BOLL: variants seen among roughly 807,000 people sequenced by gnomAD.
BOLL encodes the protein boule RNA binding protein.
A neutral mutation model predicts 44.4 loss-of-function variants in BOLL; 23 were observed. The observed-to-expected ratio is 0.52, with a 90% CI of 0.37 to 0.73. The LOEUF is 0.73. BOLL is among the 30% of genes least tolerant of loss of function. BOLL has a pLI of 0.00. For missense variants in BOLL, 287 were observed against 338.3 expected (o/e 0.85, Z 1.19); for synonymous variants, 97 against 110.8 (o/e 0.88, Z 0.78).
At position 197,743,054 on chromosome 2, in the gene BOLL, T is replaced by G; in HGVS notation, c.828+7A>C. On this transcript the variant is annotated splice_region_variant and intron_variant, in intron 10 of 10. Transcript: ENST00000392296. Reference sequence around the variant, plus strand: ...AACAAAGTAAAAAGTCAAAACAAATTTCTTACTTTAATTGGCTCAGGCTGC... The same window carrying G: ...AACAAAGTAAAAAGTCAAAACAAATGTCTTACTTTAATTGGCTCAGGCTGC... 6 of 1,549,604 alleles carry G rather than the reference T, an allele frequency of 3.9e-6. No homozygotes were observed. The highest frequency in any genetic ancestry group is 5.2e-6 in the Non-Finnish European group (6 of 1,148,748).
chr2:197,766,674 AT>A, intron 6 of BOLL, 71 bp from the exon 7 acceptor site: 1 of 1,111,194 alleles, frequency 9.0e-7, no homozygotes, highest in Admixed American at 2.0e-5. Flanking sequence ...TTTATCTCAA[AT>A]TATTACCTAA....
chr2:197,782,666 T>C (rs1187013307), intron 1 of BOLL, among the ~76,000 whole-genome samples: 1 of 152,206 alleles, frequency 6.6e-6, no homozygotes, highest in Non-Finnish European at 1.5e-5. Context: ...TTTCCCTTGT[T>C]TGAACAATTA....
rs779832954 is a variant in BOLL, at chr2:197,757,447, A to G, written c.553-47T>C. 3 of 1,553,508 alleles carry G rather than the reference A, an allele frequency of 1.9e-6. No individual in the cohort carries two copies. The South Asian group carries it at 3.5e-5, about 18-fold the overall frequency. ...GAAAAACCCATTCTGATTATAAACA[A>G]GGGTTAAAACTAGATATCTACAGGC... On this transcript the variant is annotated intron_variant, in intron 7 of 10. Transcript: ENST00000392296.
At chr2:197,748,597 ACAGT>A (rs1688093812) in intron 9 of BOLL, among the ~76,000 whole-genome samples, 1 of 152,184 alleles carries the variant, frequency 6.6e-6, no homozygotes, top group Non-Finnish European at 1.5e-5. Context: ...TTTTCCACTC[ACAGT>A]GTAAATAAAG....
intron 7 of BOLL, among the ~76,000 whole-genome samples, chr2:197,763,475 G>A (rs1441962033): frequency 1.2e-5 from 1 of 84,892 alleles, no homozygotes; most frequent in Admixed American, 1.2e-4. Context: ...CAGAGAGTCC[G>A]TCTTAAAAAA....
upstream of BOLL, chr2:197,786,108 C>T (rs934079962): frequency 1.1e-5 from 16 of 1,440,966 alleles, no homozygotes; most frequent in Non-Finnish European, 3.7e-6. This position sits in a 1 kb window ranked among gnomAD's most constrained non-coding sequence, Gnocchi z 5.9. Flanking sequence ...CTGGGACTCT[C>T]GCCCCCTGGC....
intron 6 of BOLL, 101 bp from the exon 7 acceptor site, chr2:197,766,704 T>A: frequency 1.2e-6 from 1 of 801,908 alleles, no homozygotes; most frequent in Non-Finnish European, 2.0e-6. Context: ...AACTTCTGGT[T>A]TATGATTAGA....
intron 10 of BOLL, among the ~76,000 whole-genome samples, chr2:197,732,296 G>C (rs1344917042): frequency 6.6e-6 from 1 of 151,684 alleles, no homozygotes; most frequent in African/African-American, 2.4e-5. Flanking sequence ...AATAACAGGA[G>C]CTGAAATTGT....
rs1686904820 is a variant in BOLL at position 197,727,638 on chromosome 2, A to G, written c.*917T>C. 6.6e-6 allele frequency: 1 copy of G among 152,268 alleles called. No homozygotes were observed. The highest frequency in any genetic ancestry group is 1.5e-5 in the Non-Finnish European group (1 of 68,032). The allele number at this position is 152,268 out of a possible 1,614,324, so 9.4% of individuals were successfully genotyped here. A position where few individuals can be genotyped will look rare whatever the true frequency, so the allele number is the denominator to read the frequency against. ...CTTTTAAAAATTAATCACATATATAATTGAATATATTGGTTGCATATCAGA... is the reference window on the plus strand; with the variant it reads ...CTTTTAAAAATTAATCACATATATAGTTGAATATATTGGTTGCATATCAGA... On this transcript the variant is annotated 3_prime_UTR_variant, in exon 11 of 11. Coordinates refer to ENST00000392296, the MANE Select transcript of BOLL (RefSeq NM_033030.6).
chr2:197,751,658 C>T (rs1688258109), intron 9 of BOLL, among the ~76,000 whole-genome samples: 1 of 151,970 alleles, frequency 6.6e-6, no homozygotes, highest in South Asian at 2.1e-4. Context: ...AATTAATAGC[C>T]TACTAAACAA....
rs185026400 is a variant in BOLL at position 197,775,253 on chromosome 2, G to A, written c.352+412C>T. On this transcript the variant is annotated intron_variant, in intron 5 of 10. Coordinates refer to ENST00000392296, the MANE Select transcript of BOLL (RefSeq NM_033030.6). ...TGGGTTACAGTACACAGCATGCAGC[G>A]AGTTTCTGATATTAGTTCTATGTTT... Among the ~76,000 whole-genome samples, 698 of 151,696 alleles carry A rather than the reference G, an allele frequency of 4.6e-3. 5 individuals are homozygous for A. Among genetic ancestry groups the A allele is most frequent in the African/African-American group, 0.016 (669 of 41,426 alleles).
intron 7 of BOLL, among the ~76,000 whole-genome samples, chr2:197,766,179 A>G (rs1688989658): frequency 6.6e-6 from 1 of 152,064 alleles, no homozygotes; most frequent in Non-Finnish European, 1.5e-5. Flanking sequence ...AGAATGATTT[A>G]TATTCCTCTG....
At chr2:197,776,139 T>C (rs1689498633) in intron 4 of BOLL, among the ~76,000 whole-genome samples, 1 of 151,916 alleles carries the variant, frequency 6.6e-6, no homozygotes, top group Non-Finnish European at 1.5e-5. Context: ...TTTCTTCTTG[T>C]TCCAGTGCTC....
At chr2:197,729,702 C>A (rs1422206391) in intron 10 of BOLL, among the ~76,000 whole-genome samples, 1 of 152,210 alleles carries the variant, frequency 6.6e-6, no homozygotes, top group Non-Finnish European at 1.5e-5. Flanking sequence ...ACCAGGGGCA[C>A]ACTGACACCT....
At chr2:197,761,151 TC>T (rs1688738515) in intron 7 of BOLL, among the ~76,000 whole-genome samples, 1 of 151,950 alleles carries the variant, frequency 6.6e-6, no homozygotes, top group Non-Finnish European at 1.5e-5. Flanking sequence ...CAAGACCCTA[TC>T]TCTTAAAAAA....
rs533456262 is a variant in BOLL, at chr2:197,741,466, A to G, written c.828+1595T>C. Among the ~76,000 whole-genome samples the G allele has an allele frequency of 1.5e-4, 23 of 152,308 alleles. No individual in the cohort carries two copies. The South Asian group carries it at 4.6e-3, about 30-fold the overall frequency. On this transcript the variant is annotated intron_variant, in intron 10 of 10. Coordinates refer to ENST00000392296, the MANE Select transcript of BOLL (RefSeq NM_033030.6). Reference sequence around the variant, plus strand: ...ATGGTACTGGTACCAAAACAGAGATAGAGACCAATGGAACAGAACAGAGCC... The same window carrying G: ...ATGGTACTGGTACCAAAACAGAGATGGAGACCAATGGAACAGAACAGAGCC...
intron 10 of BOLL, among the ~76,000 whole-genome samples, chr2:197,735,021 C>G (rs1473793061): frequency 1.3e-5 from 2 of 151,970 alleles, no homozygotes; most frequent in African/African-American, 2.4e-5. Context: ...CAGAAAATTA[C>G]TGCAAAAATA....
At chr2:197,757,286 C>A in intron 8 of BOLL, 67 bp downstream of exon 8, 1 of 1,378,346 alleles carries the variant, frequency 7.3e-7, no homozygotes, top group South Asian at 1.3e-5. Flanking sequence ...CTTTAGTATT[C>A]ATGCAGTCAT....
At chr2:197,728,789 A>G (rs1174655442) in intron 10 of BOLL, among the ~76,000 whole-genome samples, 1 of 152,234 alleles carries the variant, frequency 6.6e-6, no homozygotes, top group Non-Finnish European at 1.5e-5. Flanking sequence ...CTTAGAATCT[A>G]TATTAGACAA....
Sources: allele counts gnomAD v4.1 joint callset (sites outside exome capture counted in the v4.1 genomes callset), GRCh38; gene constraint gnomAD v4.1.1; non-coding constraint Gnocchi (gnomAD v3.1); transcripts MANE v1.5; gene names NCBI Gene and HGNC (gene_info 2026-07-23, HGNC 2026-07-21).